The following PRIM2 variants were observed in gnomAD, a reference collection of about 807,000 sequenced individuals.
PRIM2 encodes DNA primase subunit 2.
In PRIM2, 39 loss-of-function variants were observed where a neutral mutation model predicts 67.3. That is an observed-to-expected ratio of 0.58 (90% CI 0.45 to 0.76). The LOEUF (loss-of-function observed/expected upper bound fraction) is 0.76. Ranked by LOEUF, PRIM2 falls within the 30% of genes least tolerant of loss-of-function variation. PRIM2 has a pLI of 0.00. For missense variants in PRIM2, 398 were observed against 598.7 expected (o/e 0.66, Z 3.50); for synonymous variants, 143 against 198.7 (o/e 0.72, Z 2.36).
the PRIM2 span, among the ~76,000 whole-genome samples, chr6:57,290,493 G>A: frequency 2.4e-4 from 36 of 152,122 alleles, no homozygotes; most frequent in African/African-American, 8.4e-4. Context: ...CTCACCTCTG[G>A]ACCAAGTGGA....
intron 10 of PRIM2, among the ~76,000 whole-genome samples, chr6:57,588,764 C>T (rs1184357158): frequency 2.0e-4 from 30 of 152,092 alleles, no homozygotes; most frequent in South Asian, 4.2e-4. Flanking sequence ...GGAGCCTAGA[C>T]GTGTATACAT....
chr6:57,589,899 T>C (rs1286605972), intron 10 of PRIM2, among the ~76,000 whole-genome samples: 14 of 152,188 alleles, frequency 9.2e-5, no homozygotes, highest in African/African-American at 2.4e-4. Context: ...AGCCCAGGCA[T>C]TGGGGAGTGG....
chr6:57,383,642 T>C (rs1770038517), intron 7 of PRIM2: 1 of 151,230 alleles, frequency 6.6e-6, no homozygotes, highest in Non-Finnish European at 1.5e-5. Flanking sequence ...GATATTGTTG[T>C]AACTGAATGT....
the PRIM2 span, among the ~76,000 whole-genome samples, chr6:57,306,439 G>A: frequency 1.3e-5 from 2 of 152,180 alleles, no homozygotes; most frequent in South Asian, 4.1e-4. Context: ...TCACTGTCAA[G>A]TTATGGTAAG....
intron 5 of PRIM2, among the ~76,000 whole-genome samples, chr6:57,327,339 CAAATA>C (rs576005052): frequency 2.8e-4 from 42 of 152,102 alleles, no homozygotes; most frequent in Middle Eastern, 3.4e-3. Context: ...GGCTTAAAGC[CAAATA>C]AAATAAAAAA....
At chr6:57,580,715 CT>C (rs1462355836) in intron 10 of PRIM2, among the ~76,000 whole-genome samples, 4 of 152,086 alleles carry the variant, frequency 2.6e-5, no homozygotes, top group Non-Finnish European at 5.9e-5. Context: ...TTATAACCTG[CT>C]TTAGGGGAGA....
the PRIM2 span, among the ~76,000 whole-genome samples, chr6:57,292,048 G>A: frequency 6.6e-6 from 1 of 152,174 alleles, no homozygotes; most frequent in Non-Finnish European, 1.5e-5. Context: ...AAAAGAGGAA[G>A]TCAAATTGTC....
At chr6:57,255,824 C>T in the PRIM2 span, among the ~76,000 whole-genome samples, 2 of 151,966 alleles carry the variant, frequency 1.3e-5, no homozygotes, top group Non-Finnish European at 2.9e-5. Context: ...CTTTTTTAAG[C>T]CCTTAAGTAT....
At chr6:57,600,659 G>A (rs1315643037) in intron 10 of PRIM2, among the ~76,000 whole-genome samples, 1 of 152,032 alleles carries the variant, frequency 6.6e-6, no homozygotes, top group African/African-American at 2.4e-5. Context: ...CCTGGCCTAG[G>A]ATTAACTATT....
chr6:57,232,198 G>A, the PRIM2 span, among the ~76,000 whole-genome samples: 2 of 152,174 alleles, frequency 1.3e-5, no homozygotes, highest in Non-Finnish European at 1.5e-5. Flanking sequence ...TATAGACATC[G>A]AGTTTCAGAG....
At chr6:57,592,278 G>A (rs1207329396) in intron 10 of PRIM2, among the ~76,000 whole-genome samples, 11 of 151,942 alleles carry the variant, frequency 7.2e-5, no homozygotes, top group Non-Finnish European at 1.5e-4. Flanking sequence ...ACAATATAAC[G>A]GTATAACAAA....
At chr6:57,618,901 C>T (rs1381722493) in intron 12 of PRIM2, among the ~76,000 whole-genome samples, 2 of 152,068 alleles carry the variant, frequency 1.3e-5, no homozygotes, top group South Asian at 2.1e-4. Flanking sequence ...CACCCACTGC[C>T]GATCCCTCTG....
intron 9 of PRIM2, among the ~76,000 whole-genome samples, chr6:57,532,999 T>C (rs1338541907): frequency 6.6e-6 from 1 of 152,100 alleles, no homozygotes; most frequent in Admixed American, 6.5e-5. Flanking sequence ...TCTCTTCTTT[T>C]TGTAAGGACA....
chr6:57,325,723 CT>C (rs775032592), intron 4 of PRIM2, among the ~76,000 whole-genome samples: 7 of 152,202 alleles, frequency 4.6e-5, no homozygotes, highest in South Asian at 4.1e-4. Context: ...TTAACACCCC[CT>C]ATACCTTGTA....
chr6:57,303,190 C>G, the PRIM2 span, among the ~76,000 whole-genome samples: 1 of 152,012 alleles, frequency 6.6e-6, no homozygotes, highest in Non-Finnish European at 1.5e-5. Context: ...ATGATAAAAA[C>G]TAATATAATT....
At chr6:57,480,304 G>C (rs1346903913) in intron 7 of PRIM2, among the ~76,000 whole-genome samples, 2 of 152,106 alleles carry the variant, frequency 1.3e-5, no homozygotes, top group African/African-American at 4.8e-5. Context: ...TCTTGAAACA[G>C]TTTTACATAC....
chr6:57,418,383 G>GGTTTTT (rs1554336216), intron 7 of PRIM2, among the ~76,000 whole-genome samples: 791 of 47,252 alleles, frequency 0.017, 165 homozygotes, highest in Non-Finnish European at 0.024. Flanking sequence ...TATGTGTGTG[G>GGTTTTT]TTTTTTTTTT....
upstream of PRIM2, among the ~76,000 whole-genome samples, chr6:57,317,028 G>A (rs1299814406): frequency 1.3e-5 from 2 of 152,258 alleles, no homozygotes; most frequent in South Asian, 4.1e-4. Context: ...GTAGGGGCTT[G>A]CCGCCCAATA....
chr6:57,273,531 AT>A, the PRIM2 span, among the ~76,000 whole-genome samples: 1 of 151,756 alleles, frequency 6.6e-6, no homozygotes, highest in African/African-American at 2.4e-5. Context: ...CATTCGTATA[AT>A]TTTTTTTCAA....
Sources: gnomAD v4.1 joint callset for allele counts (sites outside exome capture counted in the v4.1 genomes callset) on GRCh38, gnomAD v4.1.1 for gene constraint, MANE v1.5 for transcripts, NCBI Gene and HGNC (gene_info 2026-07-23, HGNC 2026-07-21) for gene names.